The following ANKMY1 variants were observed in gnomAD, a reference collection of about 807,000 sequenced individuals.
ANKMY1 encodes ankyrin repeat and MYND domain-containing protein 1.
Under a neutral mutation model 102.0 loss-of-function variants are expected in ANKMY1, and 98 were observed. That is an observed-to-expected ratio of 0.96 (90% confidence interval 0.82 to 1.14). ANKMY1 has a LOEUF of 1.14. Ranked by LOEUF, ANKMY1 falls within the 50% of genes most tolerant of loss-of-function variation. The pLI, the probability that ANKMY1 is intolerant of heterozygous loss-of-function variation, is 0.00. For missense variants in ANKMY1, 1,330 were observed against 1,347.6 expected (o/e 0.99, Z 0.20); for synonymous variants, 582 against 559.9 (o/e 1.04, Z -0.56).
chr2:240,495,762 T>C (rs1176303646), intron 15 of ANKMY1, among the ~76,000 whole-genome samples: 1 of 152,060 alleles, frequency 6.6e-6, no homozygotes, highest in African/African-American at 2.4e-5. Context: ...ATTTCTACAA[T>C]CTCCTGTCTC....
intron 9 of ANKMY1, among the ~76,000 whole-genome samples, chr2:240,516,688 C>G (rs57369508): frequency 2.0e-5 from 3 of 152,164 alleles, no homozygotes; most frequent in African/African-American, 7.2e-5. Flanking sequence ...CCATCCAGGG[C>G]TTACTTCTTT....
At chr2:240,514,460 A>G (rs1466862774) in intron 9 of ANKMY1, among the ~76,000 whole-genome samples, 1 of 152,200 alleles carries the variant, frequency 6.6e-6, no homozygotes, top group Non-Finnish European at 1.5e-5. Flanking sequence ...ATTAAGTCCC[A>G]CGAGTCCCAG....
chr2:240,512,263 A>C (rs960838835), intron 10 of ANKMY1, among the ~76,000 whole-genome samples: 4 of 152,094 alleles, frequency 2.6e-5, no homozygotes, highest in Admixed American at 1.3e-4. Flanking sequence ...TGCGCACACC[A>C]TGTCCAGCAT....
chr2:240,545,188 T>C (rs2090057479), intron 4 of ANKMY1, among the ~76,000 whole-genome samples: 1 of 152,210 alleles, frequency 6.6e-6, no homozygotes. Context: ...CCTTCTCAAG[T>C]GGGTCCCTGA....
chr2:240,495,849 T>C (rs2077190570), intron 15 of ANKMY1, among the ~76,000 whole-genome samples: 1 of 152,158 alleles, frequency 6.6e-6, no homozygotes, highest in African/African-American at 2.4e-5. Flanking sequence ...ATATTGGGAA[T>C]TCACTCCTGA....
At chr2:240,511,837 C>T (rs777379953) in intron 11 of ANKMY1, 24 bp downstream of exon 11, 20 of 1,563,936 alleles carry the variant, frequency 1.3e-5, no homozygotes, top group Non-Finnish European at 1.7e-5. Context: ...CCCTGTGCCC[C>T]CGCCAGGCCC....
In ANKMY1 at chr2:240,555,070, G is replaced by A. The variant is rs765929532; in HGVS notation, c.147-15C>T. On this transcript the variant is annotated splice_polypyrimidine_tract_variant and intron_variant, in intron 2 of 17. Coordinates refer to ENST00000401804, the MANE Select transcript of ANKMY1 (RefSeq NM_001282771.3). The stretch of plus-strand genomic sequence containing the variant: ...CTGAAACATCCCTAAAAGGACAGGA[G>A]CAGAAGGAGGGAAGAGTGAAGTGGC... 1.4e-5 allele frequency: 22 copies of A among 1,612,852 alleles called. No individual in the cohort carries two copies. The Admixed American group carries it at 3.7e-4, about 27-fold the overall frequency.
chr2:240,538,210 G>GC (rs1490049693), intron 4 of ANKMY1, among the ~76,000 whole-genome samples: 2 of 152,238 alleles, frequency 1.3e-5, no homozygotes, highest in East Asian at 3.9e-4. Flanking sequence ...CTGCTGCTGC[G>GC]CTGTGGGGGC....
rs554588076 is a variant in ANKMY1 at position 240,546,234 on chromosome 2, C to A, written c.480+6680G>T. ...CATTCTTAAAGAAAAGAATTTTCAA[C>A]CCAGAATTTCATATCCAGCCAAACT... On this transcript the variant is annotated intron_variant, in intron 4 of 17. Coordinates refer to ENST00000401804, the MANE Select transcript of ANKMY1 (RefSeq NM_001282771.3). Among the ~76,000 whole-genome samples, 399 of 151,298 alleles carry A rather than the reference C, an allele frequency of 2.6e-3. 2 individuals are homozygous for A. The highest frequency in any genetic ancestry group is 9.2e-3 in the African/African-American group (381 of 41,436).
At chr2:240,479,933 TGC>T (rs780875676) in intron 17 of ANKMY1, among the ~76,000 whole-genome samples, 14 of 152,164 alleles carry the variant, frequency 9.2e-5, no homozygotes, top group Admixed American at 6.5e-5. Flanking sequence ...CCCCATTGGC[TGC>T]GCGCGGTGGC....
intron 4 of ANKMY1, among the ~76,000 whole-genome samples, chr2:240,546,890 A>C (rs975203936): frequency 3.9e-5 from 6 of 152,226 alleles, no homozygotes; most frequent in Non-Finnish European, 7.3e-5. Context: ...AAAGAGACTT[A>C]GACTCCCACA....
chr2:240,554,869 G>T lies in ANKMY1; in HGVS notation c.333C>A (p.Gly111=). Residue 111 remains glycine (G), a synonymous_variant, in exon 3 of 18, where the codon GGC becomes GGA. Transcript: ENST00000401804. ...LGYGKFSWPT[G]ESYHGQFYRD... is the part of the protein sequence containing the mutation. ...GAGAAAGTGTGGAAGCAGTTACCTC[G>T]CCTGTGGGCCAAGAGAATTTGCCAT... The T allele has an allele frequency of 6.2e-7, 1 of 1,614,102 alleles. No homozygotes were observed.
the ANKMY1 span, among the ~76,000 whole-genome samples, chr2:240,470,942 G>A: frequency 5.9e-5 from 9 of 152,158 alleles, no homozygotes; most frequent in African/African-American, 2.2e-4. Context: ...ATCAGGCACA[G>A]AAATACCCTC....
intron 11 of ANKMY1, among the ~76,000 whole-genome samples, chr2:240,510,555 TCTGCTGGGACTGTGCCC>T (rs1322348276): frequency 1.8e-4 from 27 of 152,254 alleles, no homozygotes; most frequent in South Asian, 4.1e-4. Context: ...ATCCCAGTGC[TCTGCTGGGACTGTGCCC>T]CTCAGATGCG....
chr2:240,468,642 C>G, the ANKMY1 span, among the ~76,000 whole-genome samples: 1 of 152,206 alleles, frequency 6.6e-6, no homozygotes, highest in Non-Finnish European at 1.5e-5. Context: ...TGGGTGTGTC[C>G]CTCAACTGCT....
chr2:240,494,253 G>A (rs928206139), intron 15 of ANKMY1, among the ~76,000 whole-genome samples: 1 of 152,174 alleles, frequency 6.6e-6, no homozygotes, highest in Non-Finnish European at 1.5e-5. Flanking sequence ...TCTGCTACTG[G>A]AGAGGGTGGG....
intron 11 of ANKMY1, 37 bp downstream of exon 11, chr2:240,511,824 C>A: frequency 6.5e-7 from 1 of 1,547,032 alleles, no homozygotes. Flanking sequence ...CACCGCTGGG[C>A]AGCCCTGTGC....
chr2:240,527,683 T>C (rs2084043663), intron 5 of ANKMY1: 1 of 152,178 alleles, frequency 6.6e-6, no homozygotes, highest in Non-Finnish European at 1.5e-5. Flanking sequence ...GGTGGGTAGG[T>C]AGATGAATGG....
intron 3 of ANKMY1, 42 bp from the exon 4 acceptor site, chr2:240,553,099 G>C (rs747057877): frequency 6.2e-7 from 1 of 1,603,602 alleles, no homozygotes; most frequent in South Asian, 1.1e-5. Context: ...TGCTCTTCCA[G>C]AACCTGACGG....
Sources: gnomAD v4.1 joint callset for allele counts (sites outside exome capture counted in the v4.1 genomes callset) on GRCh38, gnomAD v4.1.1 for gene constraint, MANE v1.5 for transcripts, NCBI Gene and HGNC (gene_info 2026-07-23, HGNC 2026-07-21) for gene names.